The following GABRG3 variants were observed in gnomAD, a reference collection of about 807,000 sequenced individuals.
GABRG3 encodes gamma-aminobutyric acid receptor subunit gamma-3.
A neutral mutation model predicts 48.8 loss-of-function variants in GABRG3; 25 were observed. That is an observed-to-expected ratio of 0.51 (90% CI 0.37 to 0.72). The LOEUF is 0.72. Among genes scored for constraint, GABRG3 ranks in the 30% least tolerant of loss-of-function variants. The pLI, the probability that GABRG3 is intolerant of heterozygous loss-of-function variation, is 0.00. For missense variants in GABRG3, 394 were observed against 577.9 expected (o/e 0.68, Z 3.26); for synonymous variants, 227 against 217.6 (o/e 1.04, Z -0.38).
chr15:27,321,791 G>A (rs1384626601), intron 3 of GABRG3, among the ~76,000 whole-genome samples: 2 of 152,206 alleles, frequency 1.3e-5, no homozygotes, highest in African/African-American at 2.4e-5. Flanking sequence ...ATAAAGGAAG[G>A]GAGAAAAGTG....
intron 3 of GABRG3, among the ~76,000 whole-genome samples, chr15:27,102,792 T>C (rs1474726050): frequency 6.6e-6 from 1 of 152,224 alleles, no homozygotes; most frequent in Non-Finnish European, 1.5e-5. Flanking sequence ...TGTGTGGTTG[T>C]TAATATCTTA....
chr15:27,339,024 A>G (rs1021519638), intron 5 of GABRG3, among the ~76,000 whole-genome samples: 28 of 152,304 alleles, frequency 1.8e-4, no homozygotes, highest in African/African-American at 6.7e-4. Flanking sequence ...GCATCCCAAC[A>G]GGTGGGGCCT....
At chr15:27,276,172 A>G (rs988100076) in intron 3 of GABRG3, among the ~76,000 whole-genome samples, 2 of 152,174 alleles carry the variant, frequency 1.3e-5, no homozygotes, top group African/African-American at 4.8e-5. Flanking sequence ...TCTGTGGTAG[A>G]AGGGAAGGCT....
At chr15:27,262,819 A>AT (rs528030348) in intron 3 of GABRG3, among the ~76,000 whole-genome samples, 8 of 152,176 alleles carry the variant, frequency 5.3e-5, no homozygotes, top group Non-Finnish European at 1.0e-4. Flanking sequence ...AAATAAATAC[A>AT]TTTTTTTAAA....
intron 3 of GABRG3, among the ~76,000 whole-genome samples, chr15:27,298,095 A>T (rs913585541): frequency 9.9e-5 from 15 of 152,148 alleles, no homozygotes; most frequent in African/African-American, 3.6e-4. Flanking sequence ...GTAAAAAGCA[A>T]ATGGTAGATG....
Position 27,179,265 on chromosome 15 carries a change from G to T in GABRG3, c.271-147544G>T, listed in dbSNP as rs549048192. 6.6e-6 allele frequency among the ~76,000 whole-genome samples: 1 copy of T among 152,224 alleles called. No individual in the cohort carries two copies. Among genetic ancestry groups the T allele is most frequent in the Admixed American group, 6.5e-5 (1 of 15,298 alleles). ...ATTTGCCATTTCAAACATGCCCCGC[G>T]TGGCAATCCACCTTCCCCTCAGGAG... is the stretch of plus-strand genomic sequence containing the variant. On this transcript the variant is annotated intron_variant, in intron 3 of 9. Coordinates refer to ENST00000615808, the MANE Select transcript of GABRG3 (RefSeq NM_033223.5). This position sits in a 1 kb window ranked among gnomAD's most constrained non-coding sequence, Gnocchi z 4.0.
chr15:27,115,947 G>A (rs1897634022), intron 3 of GABRG3, among the ~76,000 whole-genome samples: 1 of 152,194 alleles, frequency 6.6e-6, no homozygotes, highest in Non-Finnish European at 1.5e-5. Flanking sequence ...GAAGCCCTCA[G>A]TGCAGAACTT....
intron 6 of GABRG3, among the ~76,000 whole-genome samples, chr15:27,503,827 T>C (rs1321001707): frequency 1.3e-5 from 2 of 152,220 alleles, no homozygotes; most frequent in East Asian, 3.9e-4. Context: ...ATTCTGTCCA[T>C]TTTTATTTCA....
chr15:27,214,573 A>G (rs1889180798), intron 3 of GABRG3, among the ~76,000 whole-genome samples: 1 of 152,226 alleles, frequency 6.6e-6, no homozygotes. Flanking sequence ...ATTTATTTCT[A>G]TACATTTCTA....
intron 5 of GABRG3, among the ~76,000 whole-genome samples, chr15:27,410,754 T>C (rs950603390): frequency 2.6e-5 from 4 of 152,170 alleles, no homozygotes; most frequent in Non-Finnish European, 5.9e-5. Context: ...CCATTTTTGC[T>C]GACTGTGGAA....
intron 3 of GABRG3, among the ~76,000 whole-genome samples, chr15:27,292,290 G>GCACA (rs1566759385): frequency 1.4e-5 from 2 of 148,108 alleles, no homozygotes; most frequent in East Asian, 4.0e-4. Flanking sequence ...GGGGTGGGGG[G>GCACA]CTAGGGGAGG....
At chr15:27,324,191 G>A (rs1893527299) in intron 3 of GABRG3, among the ~76,000 whole-genome samples, 1 of 152,220 alleles carries the variant, frequency 6.6e-6, no homozygotes, top group Non-Finnish European at 1.5e-5. Flanking sequence ...GGTCAACCTT[G>A]TTCCGGCCCA....
At chr15:27,397,449 A>T (rs1487682561) in intron 5 of GABRG3, among the ~76,000 whole-genome samples, 2 of 152,178 alleles carry the variant, frequency 1.3e-5, no homozygotes, top group Non-Finnish European at 2.9e-5. Flanking sequence ...CACCATCATT[A>T]GGACCTACCT....
chr15:27,481,850 T>C (rs1890107876), intron 6 of GABRG3, among the ~76,000 whole-genome samples: 1 of 152,180 alleles, frequency 6.6e-6, no homozygotes, highest in African/African-American at 2.4e-5. Flanking sequence ...TTGGGATGCT[T>C]GCTCCCAATT....
intron 3 of GABRG3, among the ~76,000 whole-genome samples, chr15:27,053,260 T>C (rs60850329): frequency 0.025 from 3,744 of 152,322 alleles, 169 homozygotes; most frequent in African/African-American, 0.085. Context: ...AGAGGCCTAA[T>C]GTCCAGAATC....
At chr15:27,482,692 C>T (rs1052460043) in intron 6 of GABRG3, among the ~76,000 whole-genome samples, 2 of 152,138 alleles carry the variant, frequency 1.3e-5, no homozygotes, top group African/African-American at 4.8e-5. Flanking sequence ...TCTCACAAGT[C>T]GTTGTAAAGT....
At chr15:27,136,673 A>G (rs942235229) in intron 3 of GABRG3, among the ~76,000 whole-genome samples, 1 of 152,176 alleles carries the variant, frequency 6.6e-6, no homozygotes, top group Non-Finnish European at 1.5e-5. Context: ...AAGAATAAAA[A>G]ATAGCATTTC....
chr15:27,019,558 C>G (rs747094605), intron 2 of GABRG3, among the ~76,000 whole-genome samples: 1 of 152,172 alleles, frequency 6.6e-6, no homozygotes, highest in Non-Finnish European at 1.5e-5. Flanking sequence ...CTGCTTATGA[C>G]AGTGCCATGT....
At chr15:27,206,347 T>C (rs1888851310) in intron 3 of GABRG3, among the ~76,000 whole-genome samples, 1 of 152,224 alleles carries the variant, frequency 6.6e-6, no homozygotes, top group Non-Finnish European at 1.5e-5. Flanking sequence ...TTAATTTCCA[T>C]CTAATGGTAT....
Sources: allele counts gnomAD v4.1 joint callset (sites outside exome capture counted in the v4.1 genomes callset), GRCh38; gene constraint gnomAD v4.1.1; non-coding constraint Gnocchi (gnomAD v3.1); transcripts MANE v1.5; gene names NCBI Gene and HGNC (gene_info 2026-07-23, HGNC 2026-07-21).